The following SH3PXD2B variants were observed in gnomAD, a reference collection of about 807,000 sequenced individuals.
SH3PXD2B encodes SH3 and PX domains 2B.
Under a neutral mutation model 73.1 loss-of-function variants are expected in SH3PXD2B, and 37 were observed. The observed-to-expected ratio is 0.51, with a 90% CI of 0.39 to 0.67. The LOEUF (loss-of-function observed/expected upper bound fraction) is 0.67. Among genes scored for constraint, SH3PXD2B ranks in the 30% least tolerant of loss-of-function variants. SH3PXD2B has a pLI of 0.00. For missense variants in SH3PXD2B, 1,053 were observed against 1,197.8 expected (o/e 0.88, Z 1.78); for synonymous variants, 457 against 480.5 (o/e 0.95, Z 0.64).
downstream of SH3PXD2B, among the ~76,000 whole-genome samples, chr5:172,329,540 C>CTTTTTTTTTTTTCTTTTTTT (rs1756514813): frequency 9.4e-6 from 1 of 106,460 alleles, no homozygotes; most frequent in African/African-American, 3.6e-5. Context: ...CTTTGTTATT[C>CTTTTTTTTTTTTCTTTTTTT]TTTTTTTTTT....
At chr5:172,396,269 G>A (rs1758294796) in intron 3 of SH3PXD2B, among the ~76,000 whole-genome samples, 1 of 150,736 alleles carries the variant, frequency 6.6e-6, no homozygotes, top group Non-Finnish European at 1.5e-5. Context: ...AGCTACTCAG[G>A]AAGCTAAGGC....
At position 172,354,086 on chromosome 5, in the gene SH3PXD2B, C is replaced by T. The variant is rs569501789; in HGVS notation, c.668-81G>A. 579 of 1,347,312 alleles carry T rather than the reference C, an allele frequency of 4.3e-4. 2 individuals carry two copies. The highest frequency in any genetic ancestry group is 1.3e-3 in the Admixed American group (77 of 59,130). 83.5% of individuals were successfully genotyped at this position (1,347,312 alleles called of 1,614,324 possible). On this transcript the variant is annotated intron_variant, in intron 8 of 12. Coordinates refer to ENST00000311601, the MANE Select transcript of SH3PXD2B (RefSeq NM_001017995.3). ...CCGTAATCCCCGTGATGCCCTTGCC[C>T]GTCGGAGGGAGGATTTCCTTCAGAG... is the stretch of plus-strand genomic sequence containing the variant.
intron 7 of SH3PXD2B, among the ~76,000 whole-genome samples, chr5:172,359,251 G>C (rs1757347098): frequency 6.6e-6 from 1 of 151,872 alleles, no homozygotes; most frequent in South Asian, 2.1e-4. Context: ...GCCAGGCATG[G>C]TGGTGCATGC....
At position 172,338,779 on chromosome 5, in the gene SH3PXD2B, G is replaced by A. The variant is rs759930390; in HGVS notation, c.2326C>T (p.Pro776Ser). The A allele has an allele frequency of 1.9e-6, 3 of 1,614,080 alleles. No individual in the cohort carries two copies. The African/African-American group carries it at 4.0e-5, about 22-fold the overall frequency. ...KKTSSSSRPL[P>S]EVRGPQCEGH... The stretch of plus-strand genomic sequence containing the variant: ...TCACACTGTGGACCTCTGACCTCTG[G>A]GAGCGGCCTGGATGACGAAGAGGTT... Residue 776 changes from proline (P) to serine (S), a missense_variant, in exon 13 of 13, where the codon CCA becomes TCA. Physicochemically the swap from Pro to Ser is moderately conservative, Grantham distance 74. This residue lies in a region of SH3PXD2B where 587 missense variants were observed against 590.7 expected (regional missense o/e 0.99). Coordinates refer to ENST00000311601, the MANE Select transcript of SH3PXD2B (RefSeq NM_001017995.3). The surrounding 1 kb of genome is among the most constrained non-coding windows in gnomAD (Gnocchi z 5.1).
chr5:172,371,960 G>A (rs1192176897), intron 6 of SH3PXD2B, among the ~76,000 whole-genome samples: 1 of 152,210 alleles, frequency 6.6e-6, no homozygotes, highest in Non-Finnish European at 1.5e-5. Flanking sequence ...GCTCTGGCCA[G>A]TACCTATTAA....
At chr5:172,390,875 C>T (rs538187708) in intron 4 of SH3PXD2B, among the ~76,000 whole-genome samples, 2 of 147,786 alleles carry the variant, frequency 1.4e-5, no homozygotes, top group South Asian at 4.3e-4. Flanking sequence ...GAGTTTTGCC[C>T]TTGTTGCCCA....
In SH3PXD2B at chr5:172,358,635, G is replaced by A. The variant is rs74870739; in HGVS notation, c.667+138C>T. ...CCATGGCCTGGTTTCTGGTTCACAG[G>A]CCATGGAGCCTCAGCCAGTGAGCTG... is the stretch of plus-strand genomic sequence containing the variant. On this transcript the variant is annotated intron_variant, in intron 8 of 12. Coordinates refer to ENST00000311601, the MANE Select transcript of SH3PXD2B (RefSeq NM_001017995.3). The A allele has an allele frequency of 0.072, 59,854 of 836,794 alleles. 3,311 individuals carry two copies. The highest frequency in any genetic ancestry group is 0.22 in the South Asian group (15,424 of 69,262). The allele number at this position is 836,794 out of a possible 1,614,324, so 51.8% of individuals were successfully genotyped here. A position where few individuals can be genotyped will look rare whatever the true frequency, so the allele number is the denominator to read the frequency against.
chr5:172,394,523 C>T (rs1051338663), intron 4 of SH3PXD2B, 40 bp downstream of exon 4: 18 of 1,600,778 alleles, frequency 1.1e-5, no homozygotes, highest in Admixed American at 1.7e-5. Flanking sequence ...AAACAGAATA[C>T]ACCTACAGGG....
chr5:172,377,652 C>T (rs1290181922), intron 5 of SH3PXD2B, among the ~76,000 whole-genome samples: 1 of 152,066 alleles, frequency 6.6e-6, no homozygotes, highest in East Asian at 1.9e-4. Context: ...TCCAAGGTCA[C>T]ACAGCTGGGA....
chr5:172,390,160 C>T (rs988912949), intron 4 of SH3PXD2B, among the ~76,000 whole-genome samples: 7 of 152,216 alleles, frequency 4.6e-5, no homozygotes, highest in Admixed American at 1.3e-4. Flanking sequence ...TTTTCCATCA[C>T]TTCAAAAATG....
At chr5:172,394,873 G>A (rs1181125920) in intron 3 of SH3PXD2B, among the ~76,000 whole-genome samples, 1 of 152,144 alleles carries the variant, frequency 6.6e-6, no homozygotes, top group Non-Finnish European at 1.5e-5. Context: ...GGGACCCACG[G>A]AATAAGTTTT....
At chr5:172,412,308 G>GC (rs1306703071) in intron 2 of SH3PXD2B, among the ~76,000 whole-genome samples, 1 of 152,174 alleles carries the variant, frequency 6.6e-6, no homozygotes, top group Non-Finnish European at 1.5e-5. Context: ...CAATCCAGTG[G>GC]CCACTAGCCT....
At chr5:172,329,473 C>G (rs1756512560), downstream of SH3PXD2B, among the ~76,000 whole-genome samples, 2 of 151,444 alleles carry the variant, frequency 1.3e-5, no homozygotes, top group South Asian at 4.2e-4. Context: ...GGCCAAGTTT[C>G]ACGCAGCTGG....
At chr5:172,428,893 T>A (rs943380637) in intron 1 of SH3PXD2B, among the ~76,000 whole-genome samples, 2 of 152,190 alleles carry the variant, frequency 1.3e-5, no homozygotes, top group African/African-American at 4.8e-5. Flanking sequence ...ACAGCTCAGA[T>A]GCTACTGCCT....
At chr5:172,426,507 C>A (rs2113472954) in intron 1 of SH3PXD2B, among the ~76,000 whole-genome samples, 1 of 152,304 alleles carries the variant, frequency 6.6e-6, no homozygotes, top group African/African-American at 2.4e-5. Context: ...AGTGGTCATC[C>A]CATGTTCCTG....
At chr5:172,414,167 CTTAGAAGGAGA>C (rs1758763087) in intron 2 of SH3PXD2B, among the ~76,000 whole-genome samples, 1 of 152,154 alleles carries the variant, frequency 6.6e-6, no homozygotes, top group African/African-American at 2.4e-5. Flanking sequence ...GGACCAGGGT[CTTAGAAGGAGA>C]CAGGTCAAGG....
intron 3 of SH3PXD2B, among the ~76,000 whole-genome samples, chr5:172,403,734 A>G (rs1758487314): frequency 6.6e-6 from 1 of 152,220 alleles, no homozygotes; most frequent in Non-Finnish European, 1.5e-5. Flanking sequence ...TCTTGATGTA[A>G]AAAAGCTACA....
chr5:172,344,639 T>C (rs1346662093), intron 12 of SH3PXD2B, among the ~76,000 whole-genome samples: 2 of 132,042 alleles, frequency 1.5e-5, no homozygotes, highest in African/African-American at 5.7e-5. Flanking sequence ...TACATGTGTA[T>C]ACAATGAAAG....
At chr5:172,343,400 T>C (rs1332021919) in intron 12 of SH3PXD2B, among the ~76,000 whole-genome samples, 2 of 152,244 alleles carry the variant, frequency 1.3e-5, no homozygotes, top group African/African-American at 2.4e-5. Context: ...TTACACTCTT[T>C]GCAAAGTATT....
Sources: allele counts gnomAD v4.1 joint callset (sites outside exome capture counted in the v4.1 genomes callset), GRCh38; gene constraint gnomAD v4.1.1; regional missense constraint gnomAD v4.1.1; non-coding constraint Gnocchi (gnomAD v3.1); transcripts MANE v1.5; gene names NCBI Gene and HGNC (gene_info 2026-07-23, HGNC 2026-07-21).